Variants in SHANK2 observed in about 807,000 individuals in gnomAD.
SHANK2 encodes the protein SH3 and multiple ankyrin repeat domains 2, also known as SH3 and multiple ankyrin repeat domains protein 2.
In SHANK2, 43 loss-of-function variants were observed where a neutral mutation model predicts 133.7. The ratio of observed to expected loss-of-function variants is 0.32; its 90% confidence interval spans 0.25 to 0.41. The LOEUF is 0.41. Ranked by LOEUF, SHANK2 falls within the 10% of genes least tolerant of loss-of-function variation. The pLI is 1.00. For missense variants in SHANK2, 1,994 were observed against 2,235.8 expected (o/e 0.89, Z 2.18); for synonymous variants, 1,017 against 952.8 (o/e 1.07, Z -1.24).
chr11:71,223,154 T>C (rs1433617820), intron 2 of SHANK2, among the ~76,000 whole-genome samples: 1 of 152,162 alleles, frequency 6.6e-6, no homozygotes, highest in Non-Finnish European at 1.5e-5. Flanking sequence ...ATTGGTGAGC[T>C]GTAGAGCTGG....
At chr11:70,525,173 G>A (rs1269495936) in intron 17 of SHANK2, among the ~76,000 whole-genome samples, 1 of 152,270 alleles carries the variant, frequency 6.6e-6, no homozygotes, top group African/African-American at 2.4e-5. Flanking sequence ...CAGAATCCCA[G>A]TGCAGGCCTC....
chr11:70,583,224 C>T (rs1025017894), intron 17 of SHANK2, among the ~76,000 whole-genome samples: 9 of 152,174 alleles, frequency 5.9e-5, no homozygotes, highest in Non-Finnish European at 7.4e-5. Flanking sequence ...CCCAGGCTGA[C>T]TCCAGAAGGC....
chr11:70,741,254 T>G (rs562335577), intron 14 of SHANK2, among the ~76,000 whole-genome samples: 1 of 151,318 alleles, frequency 6.6e-6, no homozygotes, highest in Non-Finnish European at 1.5e-5. Flanking sequence ...CATCCATCCA[T>G]CCATCCATCC....
intron 11 of SHANK2, among the ~76,000 whole-genome samples, chr11:70,859,117 T>C (rs1245611312): frequency 6.6e-6 from 1 of 152,100 alleles, no homozygotes; most frequent in Admixed American, 6.6e-5. Flanking sequence ...GGTGAGTAGA[T>C]AAATGGATAG....
At chr11:70,872,531 C>T (rs879951412) in intron 11 of SHANK2, among the ~76,000 whole-genome samples, 5 of 151,900 alleles carry the variant, frequency 3.3e-5, no homozygotes, top group South Asian at 2.1e-4. Flanking sequence ...TGGGTGCAAA[C>T]GACCAAGTGG....
chr11:70,636,713 G>A (rs1177219732), intron 17 of SHANK2, among the ~76,000 whole-genome samples: 2 of 151,414 alleles, frequency 1.3e-5, no homozygotes, highest in African/African-American at 4.9e-5. Flanking sequence ...GTGAACATAT[G>A]TGCGAGGATG....
intron 14 of SHANK2, among the ~76,000 whole-genome samples, chr11:70,699,181 G>C (rs1945467146): frequency 6.6e-6 from 1 of 151,484 alleles, no homozygotes; most frequent in Non-Finnish European, 1.5e-5. Context: ...AAAACCTGCA[G>C]ACAACTGCCA....
At position 71,163,093 on chromosome 11, in the gene SHANK2, A is replaced by AAAATATAT; in HGVS notation, c.-12-15756_-12-15755insATATATTT. Among the ~76,000 whole-genome samples, 613 of 84,588 alleles carry AAAATATAT rather than the reference A, an allele frequency of 7.2e-3. 67 individuals are homozygous for AAAATATAT. The highest frequency in any genetic ancestry group is 0.027 in the African/African-American group (594 of 21,674). 55.5% of individuals were successfully genotyped at this position (84,588 alleles called of 152,430 possible). On this transcript the variant is annotated intron_variant, in intron 2 of 25. Transcript: ENST00000601538. The stretch of plus-strand genomic sequence containing the variant: ...GTCTAAAAAAAAAAAAAAAAAAAAA[A>AAAATATAT]ATACATATATATATATATACAGAAT...
At chr11:70,538,714 T>C (rs1002441106) in intron 17 of SHANK2, among the ~76,000 whole-genome samples, 7 of 152,014 alleles carry the variant, frequency 4.6e-5, no homozygotes, top group Non-Finnish European at 8.8e-5. Context: ...CAGGGGGAGA[T>C]AAGATCCACC....
intron 2 of SHANK2, among the ~76,000 whole-genome samples, chr11:71,204,873 C>T (rs1176880446): frequency 6.6e-6 from 1 of 152,142 alleles, no homozygotes; most frequent in African/African-American, 2.4e-5. Context: ...CTGACCACGG[C>T]CGGGCAGGGA....
At chr11:70,484,525 T>C (rs1316624157) in intron 25 of SHANK2, among the ~76,000 whole-genome samples, 1 of 152,148 alleles carries the variant, frequency 6.6e-6, no homozygotes, top group Non-Finnish European at 1.5e-5. Context: ...CAATTAAACC[T>C]CATTTTTTTA....
In SHANK2 at chr11:70,569,939, T is replaced by G. The variant is rs1483477685; in HGVS notation, c.2062-67008A>C. Among the ~76,000 whole-genome samples, 6 of 147,596 alleles carry G rather than the reference T, an allele frequency of 4.1e-5. No homozygotes were observed. The highest frequency in any genetic ancestry group is 6.0e-5 in the Non-Finnish European group (4 of 66,856). On this transcript the variant is annotated intron_variant, in intron 17 of 25. Coordinates refer to ENST00000601538, the MANE Select transcript of SHANK2 (RefSeq NM_012309.5). The surrounding 1 kb of genome is among the most constrained non-coding windows in gnomAD (Gnocchi z 5.1). The stretch of plus-strand genomic sequence containing the variant: ...TCACCGAGACAGAGACACAGAGACA[T>G]AGAGAGAGAGAGAGAAGGGAGTGAG...
At chr11:71,238,034 A>C (rs1398098730) in intron 1 of SHANK2, among the ~76,000 whole-genome samples, 3 of 152,172 alleles carry the variant, frequency 2.0e-5, no homozygotes, top group Non-Finnish European at 4.4e-5. Context: ...ATACATGCAC[A>C]CACGGACTGA....
intron 14 of SHANK2, among the ~76,000 whole-genome samples, chr11:70,726,816 G>C (rs1346539060): frequency 6.6e-6 from 1 of 152,210 alleles, no homozygotes; most frequent in Non-Finnish European, 1.5e-5. Flanking sequence ...CCAGTTCTGA[G>C]TCTAGACTCC....
chr11:70,494,143 C>T (rs1242586616), intron 21 of SHANK2, among the ~76,000 whole-genome samples: 5 of 152,114 alleles, frequency 3.3e-5, no homozygotes, highest in African/African-American at 4.8e-5. Context: ...CTGAGCCAGG[C>T]GCCCTGTGAT....
intron 9 of SHANK2, among the ~76,000 whole-genome samples, chr11:71,058,655 G>T (rs1332275372): frequency 6.6e-6 from 1 of 152,240 alleles, no homozygotes; most frequent in Admixed American, 6.5e-5. Flanking sequence ...GGTCACAGCC[G>T]AAGCCTGTAC....
At chr11:71,189,924 T>C (rs998293923) in intron 2 of SHANK2, among the ~76,000 whole-genome samples, 15 of 152,168 alleles carry the variant, frequency 9.9e-5, no homozygotes, top group African/African-American at 3.6e-4. Context: ...CCACGACTGT[T>C]AGGACAAGAC....
intron 2 of SHANK2, among the ~76,000 whole-genome samples, chr11:71,154,947 GGA>G (rs1555108781): frequency 7.8e-6 from 1 of 128,276 alleles, no homozygotes; most frequent in Non-Finnish European, 1.6e-5. Context: ...CCCAGAGGAG[GGA>G]TGGACCTACC....
At chr11:71,098,294 T>TGCCTCTGTGTGCATGTGTGCAC (rs1951662515) in intron 6 of SHANK2, among the ~76,000 whole-genome samples, 1 of 152,308 alleles carries the variant, frequency 6.6e-6, no homozygotes, top group East Asian at 1.9e-4. Context: ...CCTGTGTGCA[T>TGCCTCTGTGTGCATGTGTGCAC]GCCTCTGTGT....
Sources: gnomAD v4.1 joint callset for allele counts (sites outside exome capture counted in the v4.1 genomes callset) on GRCh38, gnomAD v4.1.1 for gene constraint, Gnocchi (gnomAD v3.1) non-coding constraint, MANE v1.5 for transcripts, NCBI Gene and HGNC (gene_info 2026-07-23, HGNC 2026-07-21) for gene names.